SRGAP2B: variants seen among roughly 807,000 people sequenced by gnomAD.
SRGAP2B encodes SLIT-ROBO Rho GTPase-activating protein 2B.
Under a neutral mutation model 22.2 loss-of-function variants are expected in SRGAP2B, and 9 were observed. That is an observed-to-expected ratio of 0.41 (90% CI 0.24 to 0.71). SRGAP2B has a LOEUF of 0.71. Ranked by LOEUF, SRGAP2B falls within the 30% of genes least tolerant of loss-of-function variation. The pLI is 0.35. For missense variants in SRGAP2B, 114 were observed against 235.8 expected (o/e 0.48, Z 3.38); for synonymous variants, 36 against 87.4 (o/e 0.41, Z 3.28).
intron 4 of SRGAP2B, among the ~76,000 whole-genome samples, chr1:144,945,603 A>T (rs1666438563): frequency 6.6e-6 from 1 of 150,676 alleles, no homozygotes; most frequent in Non-Finnish European, 1.5e-5. Flanking sequence ...ACAAACAAAC[A>T]AACAAACAAA....
chr1:144,925,751 G>GAAAGAAAGAAAGA (rs1664659565), intron 4 of SRGAP2B, among the ~76,000 whole-genome samples: 2 of 138,298 alleles, frequency 1.4e-5, no homozygotes, highest in Non-Finnish European at 3.1e-5. Context: ...AAGAAAGAAA[G>GAAAGAAAGAAAGA]AAAGAAAGAA....
intron 3 of SRGAP2B, among the ~76,000 whole-genome samples, chr1:144,993,055 T>C (rs1670380382): frequency 6.6e-6 from 1 of 151,308 alleles, no homozygotes; most frequent in African/African-American, 2.5e-5. Context: ...TCTTAAGACA[T>C]GGGCATGACT....
chr1:145,030,228 C>T, intron 2 of SRGAP2B, among the ~76,000 whole-genome samples: 1 of 148,538 alleles, frequency 6.7e-6, no homozygotes, highest in South Asian at 2.1e-4. Context: ...TATCTGCCTT[C>T]CTCCATTCTG....
At chr1:144,952,429 G>C (rs1214892099) in intron 4 of SRGAP2B, among the ~76,000 whole-genome samples, 2 of 148,746 alleles carry the variant, frequency 1.3e-5, no homozygotes, top group African/African-American at 5.1e-5. Context: ...CTGGGGTGTG[G>C]TATGAAGAAT....
chr1:145,044,650 TAAA>T (rs1184404731), intron 2 of SRGAP2B, among the ~76,000 whole-genome samples: 5 of 30,684 alleles, frequency 1.6e-4, no homozygotes, highest in African/African-American at 6.6e-4. Context: ...AACCCCCTCC[TAAA>T]AAAAAAAAAA....
At chr1:145,027,009 TA>T (rs1647831122) in intron 2 of SRGAP2B, among the ~76,000 whole-genome samples, 1 of 115,110 alleles carries the variant, frequency 8.7e-6, no homozygotes, top group African/African-American at 3.6e-5. Flanking sequence ...ATGCTTTTTT[TA>T]ATTTTTTTTT....
chr1:144,994,315 AGAT>A (rs1352639176), intron 3 of SRGAP2B, among the ~76,000 whole-genome samples: 2 of 143,050 alleles, frequency 1.4e-5, no homozygotes, highest in African/African-American at 5.4e-5. Context: ...CAGGCAAAAA[AGAT>A]GATGATCTAA....
chr1:144,981,055 A>G, intron 3 of SRGAP2B, among the ~76,000 whole-genome samples: 1 of 149,736 alleles, frequency 6.7e-6, no homozygotes, highest in Non-Finnish European at 1.5e-5. Flanking sequence ...CCCCCATTTC[A>G]ATTATAAAAA....
intron 2 of SRGAP2B, among the ~76,000 whole-genome samples, chr1:145,038,667 AT>A (rs1379154815): frequency 2.0e-5 from 3 of 149,476 alleles, no homozygotes; most frequent in Admixed American, 6.6e-5. Flanking sequence ...GGACCCTAAT[AT>A]TTGAATATTA....
intron 2 of SRGAP2B, among the ~76,000 whole-genome samples, chr1:145,076,497 A>G (rs1391274986): frequency 2.0e-5 from 3 of 150,568 alleles, no homozygotes; most frequent in Non-Finnish European, 4.4e-5. Flanking sequence ...ATTGATATGC[A>G]CAACAACCTG....
At chr1:144,943,505 T>C (rs1666228997) in intron 4 of SRGAP2B, among the ~76,000 whole-genome samples, 1 of 150,378 alleles carries the variant, frequency 6.6e-6, no homozygotes, top group South Asian at 2.1e-4. Flanking sequence ...TAAAAGATTA[T>C]TCAAAAGAAT....
At chr1:144,924,224 C>CAT in intron 4 of SRGAP2B, among the ~76,000 whole-genome samples, 1 of 147,126 alleles carries the variant, frequency 6.8e-6, no homozygotes, top group Non-Finnish European at 1.5e-5. Context: ...TCATGGCCTA[C>CAT]ATACAGTTGA....
At chr1:144,965,152 G>C (rs1268750929) in intron 3 of SRGAP2B, 23 of 1,148,996 alleles carry the variant, frequency 2.0e-5, no homozygotes, top group Admixed American at 5.4e-5. Context: ...TTCAGTGTAG[G>C]GGGGAGGAGC....
At chr1:144,943,344 G>C (rs1336706608) in intron 4 of SRGAP2B, among the ~76,000 whole-genome samples, 5 of 151,236 alleles carry the variant, frequency 3.3e-5, no homozygotes, top group Admixed American at 6.6e-5. Flanking sequence ...CTGGGTATTA[G>C]ATGAGACAAA....
At chr1:144,953,702 C>T (rs1667060857) in intron 4 of SRGAP2B, among the ~76,000 whole-genome samples, 2 of 149,748 alleles carry the variant, frequency 1.3e-5, no homozygotes, top group East Asian at 2.0e-4. Flanking sequence ...TGGCTGCCTT[C>T]AGTATAAGCA....
chr1:144,956,439 CTTTT>C (rs3069132), intron 3 of SRGAP2B, among the ~76,000 whole-genome samples: 1 of 95,388 alleles, frequency 1.0e-5, no homozygotes, highest in Non-Finnish European at 2.1e-5. Flanking sequence ...TGCTCATTCC[CTTTT>C]TTTTTTTTTT....
intron 2 of SRGAP2B, among the ~76,000 whole-genome samples, chr1:145,009,449 G>A (rs1468716631): frequency 1.4e-5 from 2 of 147,116 alleles, no homozygotes; most frequent in East Asian, 2.0e-4. Context: ...TTAGCCGGGC[G>A]TAGTGGCGGG....
chr1:145,083,040 G>A (rs1181957006), intron 2 of SRGAP2B, among the ~76,000 whole-genome samples: 1 of 136,800 alleles, frequency 7.3e-6, no homozygotes, highest in Non-Finnish European at 1.5e-5. Context: ...AGATCGCAAT[G>A]TAATATGATG....
rs1480376850 is a variant in SRGAP2B, at chr1:144,921,415, C to A, written c.424-6661G>T. ...ATCCAGCTTCAGTATTAGTGACTCCCAAAGCAGTCACATTCCATTTTTAAA... is the reference window on the plus strand; with the variant it reads ...ATCCAGCTTCAGTATTAGTGACTCCAAAAGCAGTCACATTCCATTTTTAAA... On this transcript the variant is annotated intron_variant, in intron 4 of 9. Transcript: ENST00000612199. 9.0e-5 allele frequency among the ~76,000 whole-genome samples: 13 copies of A among 143,986 alleles called. 1 individual carries two copies. The highest frequency in any genetic ancestry group is 3.5e-4 in the African/African-American group (13 of 37,384). The allele number at this position is 143,986 out of a possible 152,430, so 94.5% of individuals were successfully genotyped here. A position where few individuals can be genotyped will look rare whatever the true frequency, so the allele number is the denominator to read the frequency against.
Sources: allele counts gnomAD v4.1 joint callset (sites outside exome capture counted in the v4.1 genomes callset), GRCh38; gene constraint gnomAD v4.1.1; transcripts MANE v1.5; gene names NCBI Gene and HGNC (gene_info 2026-07-23, HGNC 2026-07-21).